ANXA10: variants seen among roughly 807,000 people sequenced by gnomAD.
The protein encoded by ANXA10 is annexin A10.
A neutral mutation model predicts 53.5 loss-of-function variants in ANXA10; 49 were observed. That is an observed-to-expected ratio of 0.92 (90% CI 0.73 to 1.16). ANXA10 has a LOEUF of 1.16. ANXA10 is among the 50% of genes most tolerant of loss of function. The pLI, the probability that ANXA10 is intolerant of heterozygous loss-of-function variation, is 0.00. For synonymous variants in ANXA10, 131 were observed against 128.9 expected (o/e 1.02, Z -0.11); for missense variants, 393 against 394.4 (o/e 1.00, Z 0.03).
chr4:168,128,693 C>A (rs1247513815), intron 2 of ANXA10, among the ~76,000 whole-genome samples: 1 of 152,054 alleles, frequency 6.6e-6, no homozygotes, highest in Non-Finnish European at 1.5e-5. Context: ...GATGAGCCTT[C>A]CTCTCTGAAT....
intron 3 of ANXA10, among the ~76,000 whole-genome samples, chr4:168,153,422 C>CAAAAAAAAAAAAAAAACAAAA (rs1731530946): frequency 2.3e-5 from 1 of 43,508 alleles, no homozygotes; most frequent in African/African-American, 8.0e-5. Context: ...AAGCCTAAAG[C>CAAAAAAAAAAAAAAAACAAAA]AAAAAAAAAA....
At chr4:168,186,403 C>G (rs552987065) in intron 11 of ANXA10, among the ~76,000 whole-genome samples, 1 of 152,262 alleles carries the variant, frequency 6.6e-6, no homozygotes, top group African/African-American at 2.4e-5. Context: ...TGCTGAAATT[C>G]TAACCCCAAA....
At chr4:168,164,515 A>T (rs531906194) in intron 5 of ANXA10, among the ~76,000 whole-genome samples, 3 of 152,154 alleles carry the variant, frequency 2.0e-5, no homozygotes, top group Non-Finnish European at 4.4e-5. Flanking sequence ...GAAAATAATT[A>T]CAAGTCTCTA....
intron 1 of ANXA10, among the ~76,000 whole-genome samples, chr4:168,097,006 GA>G (rs1730560536): frequency 6.8e-6 from 1 of 146,964 alleles, no homozygotes; most frequent in African/African-American, 2.6e-5. Context: ...ATTTTATAAA[GA>G]AATTTGAGAA....
rs770777640 is a variant in ANXA10, at chr4:168,092,676, C to T, written c.-25C>T. 4 of 1,586,000 alleles carry T rather than the reference C, an allele frequency of 2.5e-6. No homozygotes were observed. Among genetic ancestry groups the T allele is most frequent in the Non-Finnish European group, 3.4e-6 (4 of 1,166,330 alleles). ...ATGCAATCGATCAAATATTTTCATC[C>T]CTGAGGTTAACAATTACCATCAAAA... is the stretch of plus-strand genomic sequence containing the variant. On this transcript the variant is annotated 5_prime_UTR_variant, in exon 1 of 12. Transcript: ENST00000359299.
chr4:168,186,787 T>C (rs1355551251), intron 11 of ANXA10, among the ~76,000 whole-genome samples: 1 of 152,198 alleles, frequency 6.6e-6, no homozygotes, highest in African/African-American at 2.4e-5. Context: ...TATTGAATCA[T>C]GGTATTCTGC....
chr4:168,124,318 C>T (rs559270474), intron 1 of ANXA10, among the ~76,000 whole-genome samples: 7 of 152,170 alleles, frequency 4.6e-5, no homozygotes, highest in African/African-American at 7.2e-5. Context: ...AATATTCAAA[C>T]AGATGGAACA....
In ANXA10 at chr4:168,187,704, G is replaced by T. The variant is rs1732397787; in HGVS notation, c.*270G>T. On this transcript the variant is annotated 3_prime_UTR_variant, in exon 12 of 12. Transcript: ENST00000359299. ...ATAATAGAAAAATTGCATTGGAATAGATTTTATTTAAATGTGAACCATCAA... is the reference window on the plus strand; with the variant it reads ...ATAATAGAAAAATTGCATTGGAATATATTTTATTTAAATGTGAACCATCAA... The T allele has an allele frequency of 4.0e-6, 1 of 247,212 alleles. No homozygotes were observed. Among genetic ancestry groups the T allele is most frequent in the Admixed American group, 5.5e-5 (1 of 18,262 alleles). The allele number at this position is 247,212 out of a possible 1,614,324, so 15.3% of individuals were successfully genotyped here.
At chr4:168,119,116 A>G (rs1324750250) in intron 1 of ANXA10, among the ~76,000 whole-genome samples, 1 of 152,154 alleles carries the variant, frequency 6.6e-6, no homozygotes, top group African/African-American at 2.4e-5. Context: ...ATTCTATCTC[A>G]TAAGTCTTGT....
At chr4:168,129,854 T>G (rs1731130691) in intron 2 of ANXA10, among the ~76,000 whole-genome samples, 1 of 152,208 alleles carries the variant, frequency 6.6e-6, no homozygotes, top group Non-Finnish European at 1.5e-5. Context: ...TTATCACCAC[T>G]TGAAGATACT....
intron 2 of ANXA10, among the ~76,000 whole-genome samples, chr4:168,137,168 C>T (rs990357526): frequency 1.3e-5 from 2 of 152,202 alleles, no homozygotes; most frequent in Non-Finnish European, 2.9e-5. Context: ...CATTTAAACA[C>T]TAATCAGCTT....
At chr4:168,145,716 C>T (rs1301376699) in intron 3 of ANXA10, among the ~76,000 whole-genome samples, 8 of 152,168 alleles carry the variant, frequency 5.3e-5, no homozygotes, top group Non-Finnish European at 1.2e-4. Flanking sequence ...CCATCATGGT[C>T]ATTTTCCAAG....
At chr4:168,125,026 G>A (rs752014710) in intron 1 of ANXA10, among the ~76,000 whole-genome samples, 1 of 152,134 alleles carries the variant, frequency 6.6e-6, no homozygotes, top group Non-Finnish European at 1.5e-5. Flanking sequence ...CGTTAACTGC[G>A]GAAGGGTAAG....
rs183310457 is a variant in ANXA10 at position 168,164,703 on chromosome 4, T to C, written c.400+415T>C. ...TAAATTTCACATTCCCGTAATCTAC[T>C]ACAAAATCAGATTTTTATACATTTC... On this transcript the variant is annotated intron_variant, in intron 5 of 11. Transcript: ENST00000359299. 2.0e-5 allele frequency among the ~76,000 whole-genome samples: 3 copies of C among 152,324 alleles called. No homozygotes were observed. In the East Asian group the frequency reaches 5.8e-4, roughly 29 times the overall value.
intron 6 of ANXA10, 120 bp from the exon 7 acceptor site, chr4:168,177,620 G>A: frequency 1.1e-6 from 1 of 920,386 alleles, no homozygotes; most frequent in South Asian, 1.5e-5. Flanking sequence ...ACTTACTCCA[G>A]ATAATAAAAG....
At chr4:168,175,150 C>T (rs1732102112) in intron 6 of ANXA10, among the ~76,000 whole-genome samples, 1 of 152,034 alleles carries the variant, frequency 6.6e-6, no homozygotes, top group East Asian at 1.9e-4. Flanking sequence ...TGAGGAGTAA[C>T]CAATAAAATG....
At chr4:168,139,771 A>C (rs1250357462) in intron 3 of ANXA10, among the ~76,000 whole-genome samples, 191 bp downstream of exon 3, 3 of 152,242 alleles carry the variant, frequency 2.0e-5, no homozygotes, top group African/African-American at 7.2e-5. Flanking sequence ...ACAAATATAC[A>C]TGTGAGATAT....
chr4:168,170,882 A>C (rs1010888223), intron 6 of ANXA10, among the ~76,000 whole-genome samples: 4 of 152,210 alleles, frequency 2.6e-5, no homozygotes, highest in African/African-American at 9.6e-5. Flanking sequence ...TTAAAAACTT[A>C]ATATAATCTC....
At chr4:168,110,473 T>A (rs1265368021) in intron 1 of ANXA10, among the ~76,000 whole-genome samples, 1 of 150,586 alleles carries the variant, frequency 6.6e-6, no homozygotes, top group African/African-American at 2.4e-5. Context: ...GATTGGTACA[T>A]CTTATTTCAT....
Sources: gnomAD v4.1 joint callset for allele counts (sites outside exome capture counted in the v4.1 genomes callset) on GRCh38, gnomAD v4.1.1 for gene constraint, MANE v1.5 for transcripts, NCBI Gene and HGNC (gene_info 2026-07-23, HGNC 2026-07-21) for gene names.